Variants in CPSF3 observed in about 807,000 individuals in gnomAD.
CPSF3 encodes cleavage and polyadenylation specific factor 3.
Under a neutral mutation model 84.1 loss-of-function variants are expected in CPSF3, and 57 were observed. That is an observed-to-expected ratio of 0.68 (90% CI 0.55 to 0.85). CPSF3 has a LOEUF of 0.85. Among genes scored for constraint, CPSF3 ranks in the 40% least tolerant of loss-of-function variants. CPSF3 has a pLI of 0.00. For missense variants in CPSF3, 522 were observed against 838.8 expected, an observed-to-expected ratio of 0.62 and a Z score of 4.66; for synonymous variants, 275 against 278.1, an observed-to-expected ratio of 0.99 and a Z score of 0.11.
At chr2:9,430,919 A>T in intron 4 of CPSF3, 39 bp downstream of exon 4, 1 of 1,546,904 alleles carries the variant, frequency 6.5e-7, no homozygotes, top group Non-Finnish European at 8.9e-7. Context: ...CTTTGGCTCT[A>T]TATGGCATGT....
chr2:9,450,380 C>T (rs571579963), intron 11 of CPSF3, among the ~76,000 whole-genome samples: 2 of 149,932 alleles, frequency 1.3e-5, no homozygotes, highest in East Asian at 2.1e-4. Context: ...GTCTCGAACT[C>T]CTGACCTCAA....
chr2:9,433,978 A>C lies in CPSF3; in HGVS notation c.609+18A>C, dbSNP rs747766197. On this transcript the variant is annotated intron_variant, in intron 6 of 17. Coordinates refer to ENST00000238112, the MANE Select transcript of CPSF3 (RefSeq NM_016207.4). ...TTATCATTGTAAGTATTAATATACT[A>C]TATTGTAATCAATGTAATGTAAGCA... The C allele has an allele frequency of 7.3e-7, 1 of 1,373,148 alleles. No individual in the cohort carries two copies. Among genetic ancestry groups the C allele is most frequent in the Non-Finnish European group, 1.0e-6 (1 of 972,196 alleles). The allele number at this position is 1,373,148 out of a possible 1,614,324, so 85.1% of individuals were successfully genotyped here.
At chr2:9,433,450 A>G (rs1017989511) in intron 5 of CPSF3, among the ~76,000 whole-genome samples, 1 of 152,244 alleles carries the variant, frequency 6.6e-6, no homozygotes, top group Non-Finnish European at 1.5e-5. Flanking sequence ...GCTCCAGGGC[A>G]CAAAAAATAA....
intron 15 of CPSF3, among the ~76,000 whole-genome samples, chr2:9,466,361 CACGCACACACCCACGCACTCGCA>C (rs1681968550): frequency 6.7e-6 from 1 of 149,864 alleles, no homozygotes; most frequent in Non-Finnish European, 1.5e-5. Flanking sequence ...CGCACACACA[CACGCACACACCCACGCACTCGCA>C]CACACGCGCA....
intron 5 of CPSF3, 151 bp from the exon 6 acceptor site, chr2:9,433,720 T>C (rs1382529665): frequency 2.0e-5 from 12 of 607,526 alleles, no homozygotes; most frequent in Non-Finnish European, 3.3e-5. Context: ...AACTACACAT[T>C]TTGAATTGGA....
chr2:9,466,334 GCA>G (rs1379299707), intron 15 of CPSF3, among the ~76,000 whole-genome samples: 1,347 of 48,360 alleles, frequency 0.028, 16 homozygotes, highest in Non-Finnish European at 0.039. Context: ...ACAGACGCAC[GCA>G]CACACGCGCG....
At chr2:9,462,357 C>G (rs1681758272) in intron 15 of CPSF3, among the ~76,000 whole-genome samples, 1 of 152,192 alleles carries the variant, frequency 6.6e-6, no homozygotes. Flanking sequence ...AATTGATATA[C>G]TTTTCTGAAA....
chr2:9,439,614 T>G (rs1358945197), intron 7 of CPSF3, among the ~76,000 whole-genome samples: 1 of 152,208 alleles, frequency 6.6e-6, no homozygotes. Flanking sequence ...TAATGAGGGC[T>G]TTTCCCTTAA....
At chr2:9,452,101 G>C (rs1681353488) in intron 11 of CPSF3, among the ~76,000 whole-genome samples, 1 of 152,228 alleles carries the variant, frequency 6.6e-6, no homozygotes, top group East Asian at 1.9e-4. Context: ...GGCCGAGGTG[G>C]GCAGATCATC....
intron 15 of CPSF3, among the ~76,000 whole-genome samples, chr2:9,466,380 T>G (rs13020475): frequency 1.1e-3 from 141 of 130,184 alleles, no homozygotes; most frequent in African/African-American, 2.1e-3. Flanking sequence ...ACCCACGCAC[T>G]CGCACACACG....
At chr2:9,436,514 C>T (rs560665167) in intron 7 of CPSF3, among the ~76,000 whole-genome samples, 153 bp downstream of exon 7, 215 of 152,216 alleles carry the variant, frequency 1.4e-3, no homozygotes, top group African/African-American at 4.9e-3. Flanking sequence ...TGGCTCACGC[C>T]TGTAATCCCA....
chr2:9,447,885 A>G (rs1288011981), intron 10 of CPSF3, among the ~76,000 whole-genome samples: 1 of 152,238 alleles, frequency 6.6e-6, no homozygotes, highest in Non-Finnish European at 1.5e-5. Flanking sequence ...TACAGAAGTC[A>G]GCCCTTTACA....
chr2:9,449,740 T>C (rs1681251870), intron 11 of CPSF3, among the ~76,000 whole-genome samples: 1 of 152,014 alleles, frequency 6.6e-6, no homozygotes, highest in African/African-American at 2.4e-5. Flanking sequence ...AGACCTTGTC[T>C]CAAAAAAATA....
At chr2:9,432,766 A>T (rs1210394096) in intron 5 of CPSF3, 78 bp downstream of exon 5, 1 of 1,147,330 alleles carries the variant, frequency 8.7e-7, no homozygotes, top group Non-Finnish European at 1.1e-6. Flanking sequence ...ATTAAAAAAA[A>T]AAATTCCCTA....
At chr2:9,438,967 T>A (rs1469385630) in intron 7 of CPSF3, among the ~76,000 whole-genome samples, 1 of 152,186 alleles carries the variant, frequency 6.6e-6, no homozygotes, top group Non-Finnish European at 1.5e-5. Flanking sequence ...TAACTTTTTT[T>A]AATATTCAGA....
intron 11 of CPSF3, 96 bp from the exon 12 acceptor site, chr2:9,452,817 A>T (rs1457764639): frequency 2.8e-6 from 2 of 718,204 alleles, no homozygotes; most frequent in Non-Finnish European, 4.7e-6. Flanking sequence ...CATAGTTCAA[A>T]GGTGTTATGG....
At chr2:9,466,894 T>A (rs1682000795) in intron 15 of CPSF3, among the ~76,000 whole-genome samples, 1 of 152,250 alleles carries the variant, frequency 6.6e-6, no homozygotes, top group Non-Finnish European at 1.5e-5. Flanking sequence ...CACATTTTGT[T>A]TATCCATTCA....
At chr2:9,465,331 C>T (rs1681863635) in intron 15 of CPSF3, among the ~76,000 whole-genome samples, 3 of 152,082 alleles carry the variant, frequency 2.0e-5, no homozygotes, top group Admixed American at 2.0e-4. Context: ...ACAGGCCTAG[C>T]TACTTGAGAG....
chr2:9,450,147 A>ATTTTTTTTTTTTT (rs750560891), intron 11 of CPSF3, among the ~76,000 whole-genome samples: 1 of 122,688 alleles, frequency 8.2e-6, no homozygotes, highest in Non-Finnish European at 1.8e-5. Flanking sequence ...ACAGGCACAA[A>ATTTTTTTTTTTTT]TTTTTTTTTT....
Sources: gnomAD v4.1 joint callset for allele counts (sites outside exome capture counted in the v4.1 genomes callset) on GRCh38, gnomAD v4.1.1 for gene constraint, MANE v1.5 for transcripts, NCBI Gene and HGNC (gene_info 2026-07-23, HGNC 2026-07-21) for gene names.